Variants in SEMA3A observed in about 807,000 individuals in gnomAD.
SEMA3A encodes semaphorin-3A.
SEMA3A carries 29 observed loss-of-function variants against 97.9 expected under a neutral mutation model. The observed-to-expected ratio is 0.30, with a 90% CI of 0.22 to 0.40. The LOEUF is 0.40. Ranked by LOEUF, SEMA3A falls within the 10% of genes least tolerant of loss-of-function variation. The pLI is 1.00. For missense variants in SEMA3A, 763 were observed against 951.3 expected (o/e 0.80, Z 2.60); for synonymous variants, 321 against 323.7 (o/e 0.99, Z 0.09).
chr7:84,219,880 G>C (rs375651095), intron 3 of SEMA3A, among the ~76,000 whole-genome samples: 1 of 152,114 alleles, frequency 6.6e-6, no homozygotes, highest in Non-Finnish European at 1.5e-5. Context: ...CTGGTGAAGG[G>C]TCTTGACTTA....
At chr7:83,971,474 T>C (rs1788911614) in intron 15 of SEMA3A, among the ~76,000 whole-genome samples, 1 of 151,868 alleles carries the variant, frequency 6.6e-6, no homozygotes. Flanking sequence ...TAATATCATA[T>C]ATTGTAGTGC....
Position 84,040,023 on chromosome 7 carries a change from C to T in SEMA3A, c.667+6301G>A, listed in dbSNP as rs557938498. Among the ~76,000 whole-genome samples the T allele has an allele frequency of 1.6e-3, 242 of 151,916 alleles. 2 individuals are homozygous for T. The South Asian group carries it at 0.017, about 11-fold the overall frequency. ...GATATATGAACACATATTTTATCAA[C>T]ATGGAAAGGCAGGTTATTTTGGAAC... On this transcript the variant is annotated intron_variant, in intron 6 of 16. Coordinates refer to ENST00000265362, the MANE Select transcript of SEMA3A (RefSeq NM_006080.3).
At chr7:84,401,135 A>G (rs1803890041) in intron 1 of SEMA3A, among the ~76,000 whole-genome samples, 1 of 152,158 alleles carries the variant, frequency 6.6e-6, no homozygotes, top group Admixed American at 6.5e-5. Flanking sequence ...TTTCTGCAAA[A>G]AGACTGTTAT....
At chr7:84,055,267 T>G (rs1453083230) in intron 5 of SEMA3A, among the ~76,000 whole-genome samples, 35 of 152,284 alleles carry the variant, frequency 2.3e-4, no homozygotes, top group South Asian at 1.4e-3. Flanking sequence ...GTTTACCTAA[T>G]CAAGCCTGGG....
At chr7:84,106,523 A>G (rs1471387608) in intron 4 of SEMA3A, among the ~76,000 whole-genome samples, 1 of 152,188 alleles carries the variant, frequency 6.6e-6, no homozygotes, top group Non-Finnish European at 1.5e-5. Flanking sequence ...CTGTTAAACA[A>G]CGCATGACTG....
At chr7:84,276,018 T>G (rs1428441399) in intron 3 of SEMA3A, among the ~76,000 whole-genome samples, 2 of 152,108 alleles carry the variant, frequency 1.3e-5, no homozygotes, top group Non-Finnish European at 2.9e-5. Flanking sequence ...TGTAAAGTGG[T>G]AGTGAAATAA....
chr7:84,121,636 G>GTTTTTTTT (rs1409209205), intron 3 of SEMA3A, among the ~76,000 whole-genome samples: 1 of 21,530 alleles, frequency 4.6e-5, no homozygotes, highest in African/African-American at 2.3e-4. Context: ...TTGGTTCCAA[G>GTTTTTTTT]TCTTTTTTTT....
chr7:84,333,398 AGTCTTT>A (rs1051262076), intron 2 of SEMA3A, among the ~76,000 whole-genome samples: 2 of 152,098 alleles, frequency 1.3e-5, no homozygotes, highest in African/African-American at 4.8e-5. Context: ...CTGACTCTAG[AGTCTTT>A]AGCCTCATCA....
chr7:84,338,614 T>C (rs77009700), intron 2 of SEMA3A, among the ~76,000 whole-genome samples: 2,799 of 152,254 alleles, frequency 0.018, 92 homozygotes, highest in African/African-American at 0.063. Flanking sequence ...ATAGGAAGTT[T>C]GGCACAGAGA....
intron 2 of SEMA3A, among the ~76,000 whole-genome samples, chr7:84,364,535 T>G (rs1327474522): frequency 1.3e-5 from 2 of 151,714 alleles, no homozygotes; most frequent in African/African-American, 4.8e-5. Context: ...CCACAAAAAG[T>G]ATATTGTTAT....
At chr7:83,967,982 T>G (rs2116274887) in intron 15 of SEMA3A, among the ~76,000 whole-genome samples, 1 of 152,312 alleles carries the variant, frequency 6.6e-6, no homozygotes, top group African/African-American at 2.4e-5. Context: ...ACTACTTTAT[T>G]ATTTGCTATA....
At chr7:84,381,805 GTTGA>G in intron 1 of SEMA3A, among the ~76,000 whole-genome samples, 1 of 152,296 alleles carries the variant, frequency 6.6e-6, no homozygotes, top group South Asian at 2.1e-4. Flanking sequence ...AGCAAATACA[GTTGA>G]TTGGATATTT....
At chr7:84,483,753 A>C (rs1044854755) in intron 1 of SEMA3A, among the ~76,000 whole-genome samples, 1 of 144,048 alleles carries the variant, frequency 6.9e-6, no homozygotes, top group South Asian at 2.3e-4. Flanking sequence ...ACTAATTAAA[A>C]AAAAATCTGG....
In SEMA3A at chr7:84,191,484, A is replaced by C. The variant is rs76566865; in HGVS notation, c.112+2991T>G. Among the ~76,000 whole-genome samples, 1,038 of 151,794 alleles carry C rather than the reference A, an allele frequency of 6.8e-3. 50 individuals are homozygous for C. The East Asian group carries it at 0.13, about 19-fold the overall frequency. On this transcript the variant is annotated intron_variant, in intron 1 of 16. Transcript: ENST00000265362. ...ATATTTGTCATTTGTTTAAAACCCAAACCCTAATTATTTTCTTGTGATTCA... is the reference window on the plus strand; with the variant it reads ...ATATTTGTCATTTGTTTAAAACCCACACCCTAATTATTTTCTTGTGATTCA...
intron 1 of SEMA3A, among the ~76,000 whole-genome samples, chr7:84,383,062 A>G (rs1378502558): frequency 6.6e-6 from 1 of 152,176 alleles, no homozygotes; most frequent in Non-Finnish European, 1.5e-5. Context: ...GTCATTATTC[A>G]TTTTTAAAAA....
intron 5 of SEMA3A, among the ~76,000 whole-genome samples, chr7:84,054,168 G>A (rs2115643884): frequency 6.6e-6 from 1 of 152,292 alleles, no homozygotes; most frequent in East Asian, 1.9e-4. Context: ...TTTCAACTTT[G>A]GTGAATCTGA....
intron 1 of SEMA3A, among the ~76,000 whole-genome samples, chr7:84,173,085 T>C (rs1017449663): frequency 5.9e-5 from 9 of 152,180 alleles, no homozygotes; most frequent in Non-Finnish European, 1.3e-4. Flanking sequence ...AGAGGAAAAG[T>C]ACAGTAGGAA....
At chr7:84,473,489 G>A (rs1005082474) in intron 1 of SEMA3A, among the ~76,000 whole-genome samples, 2 of 151,476 alleles carry the variant, frequency 1.3e-5, no homozygotes, top group African/African-American at 4.8e-5. Context: ...CTGCCTCCCT[G>A]GTTTAAGAGA....
At chr7:84,195,496 G>A (rs1798202619), upstream of SEMA3A, 1 of 151,638 alleles carries the variant, frequency 6.6e-6, no homozygotes, top group African/African-American at 2.4e-5. Context: ...AGGTTTTAAA[G>A]CCTTGTTAGA....
Sources: gnomAD v4.1 joint callset for allele counts (sites outside exome capture counted in the v4.1 genomes callset) on GRCh38, gnomAD v4.1.1 for gene constraint, MANE v1.5 for transcripts, NCBI Gene and HGNC (gene_info 2026-07-23, HGNC 2026-07-21) for gene names.